Variants in CFAP299 observed in about 807,000 individuals in gnomAD.
CFAP299 encodes cilia and flagella associated protein 299, also known as cilia- and flagella-associated protein 299.
In CFAP299, 21 loss-of-function variants were observed where a neutral mutation model predicts 27.0. That is an observed-to-expected ratio of 0.78 (90% CI 0.55 to 1.12). CFAP299 has a LOEUF of 1.12. CFAP299 is among the 50% of genes most tolerant of loss of function. The probability of loss-of-function intolerance (pLI) is 0.00; values close to 1 mark genes in which losing one functional copy is unlikely to be tolerated. For synonymous variants in CFAP299, 104 were observed against 98.1 expected (o/e 1.06, Z -0.36); for missense variants, 310 against 276.6 (o/e 1.12, Z -0.86).
chr4:80,639,104 C>T (rs879691817), intron 3 of CFAP299, among the ~76,000 whole-genome samples: 3 of 152,120 alleles, frequency 2.0e-5, no homozygotes, highest in Non-Finnish European at 4.4e-5. Context: ...CTCCCAAAGG[C>T]CTCATCTCCA....
At chr4:80,685,223 A>G (rs796412168) in intron 3 of CFAP299, among the ~76,000 whole-genome samples, 5 of 152,318 alleles carry the variant, frequency 3.3e-5, no homozygotes, top group African/African-American at 1.2e-4. Context: ...ACTTATTCTA[A>G]GAAGCTCTTG....
intron 1 of CFAP299, among the ~76,000 whole-genome samples, chr4:80,345,322 C>T (rs112291660): frequency 0.074 from 11,219 of 151,866 alleles, 1,222 homozygotes; most frequent in African/African-American, 0.24. Flanking sequence ...ATGTGCATAA[C>T]GTGCAGGTTT....
chr4:80,569,761 A>C (rs1481293553), intron 2 of CFAP299, among the ~76,000 whole-genome samples: 1 of 152,044 alleles, frequency 6.6e-6, no homozygotes, highest in Non-Finnish European at 1.5e-5. Context: ...AAGATGTACA[A>C]GACTTATTAA....
intron 3 of CFAP299, among the ~76,000 whole-genome samples, chr4:80,689,130 C>A (rs555657195): frequency 0.038 from 5,733 of 152,192 alleles, 381 homozygotes; most frequent in African/African-American, 0.13. Flanking sequence ...AGGATATTAT[C>A]CAGGAGAACT....
intron 5 of CFAP299, among the ~76,000 whole-genome samples, 197 bp from the exon 6 acceptor site, chr4:80,963,319 TC>T (rs1253065527): frequency 6.6e-6 from 1 of 151,890 alleles, no homozygotes; most frequent in African/African-American, 2.4e-5. Context: ...CACAACCCAA[TC>T]ATAATTCCAA....
intron 2 of CFAP299, among the ~76,000 whole-genome samples, chr4:80,555,832 C>T (rs112867328): frequency 0.015 from 2,299 of 151,594 alleles, 26 homozygotes; most frequent in South Asian, 0.04. Flanking sequence ...TTCTGTGGGG[C>T]CAGTGGTAAC....
chr4:80,944,922 C>T lies in CFAP299; in HGVS notation c.589C>T (p.Leu197Phe). Residue 197 changes from leucine (L) to phenylalanine (F), a missense_variant, in exon 5 of 6, where the codon CTT becomes TTT. Coordinates refer to ENST00000358105, the MANE Select transcript of CFAP299 (RefSeq NM_152770.3). ...CAGATACAAAAGAGACAGAAAAATTCTTAATGTGGACCCAAAGGTAATTCT... is the reference window on the plus strand; with the variant it reads ...CAGATACAAAAGAGACAGAAAAATTTTTAATGTGGACCCAAAGGTAATTCT... ...LFRYKRDRKI[L>F]NVDPKAQPGD... The T allele has an allele frequency of 6.2e-7, 1 of 1,612,430 alleles. No homozygotes were observed. The highest frequency in any genetic ancestry group is 8.5e-7 in the Non-Finnish European group (1 of 1,179,024).
rs1412761192 is a variant in CFAP299 at position 80,800,579 on chromosome 4, T to C, written c.334-69414T>C. On this transcript the variant is annotated intron_variant, in intron 3 of 5. Transcript: ENST00000358105. ...ATATTATATAATATATTAATATAAA[T>C]ATATAATATATAATATATTAATATA... Among the ~76,000 whole-genome samples, 22 of 80,504 alleles carry C rather than the reference T, an allele frequency of 2.7e-4. No homozygotes were observed. In the East Asian group the frequency reaches 6.7e-3, roughly 24 times the overall value. The allele number at this position is 80,504 out of a possible 152,430, so 52.8% of individuals were successfully genotyped here.
intron 3 of CFAP299, among the ~76,000 whole-genome samples, chr4:80,719,631 G>A (rs1313025651): frequency 6.6e-6 from 1 of 152,204 alleles, no homozygotes; most frequent in Non-Finnish European, 1.5e-5. Flanking sequence ...CTCTTTGTAA[G>A]CAGTTGCAGT....
Position 80,581,453 on chromosome 4 carries a change from G to GAGATAT in CFAP299, c.243-1639_243-1638insGATATA, listed in dbSNP as rs1553936101. Reference sequence around the variant, plus strand: ...TGATATATATATAGATATTAAGTGAGATATATATATATATATATATATATA... The same window carrying GAGATAT: ...TGATATATATATAGATATTAAGTGAGAGATATATATATATATATATATATATATATA... On this transcript the variant is annotated intron_variant, in intron 2 of 5. Coordinates refer to ENST00000358105, the MANE Select transcript of CFAP299 (RefSeq NM_152770.3). Among the ~76,000 whole-genome samples the GAGATAT allele has an allele frequency of 2.8e-4, 29 of 103,014 alleles. 1 individual carries two copies. The highest frequency in any genetic ancestry group is 1.5e-3 in the African/African-American group (24 of 15,940). 67.6% of individuals were successfully genotyped at this position (103,014 alleles called of 152,430 possible).
chr4:80,735,152 T>C (rs952252064), intron 3 of CFAP299, among the ~76,000 whole-genome samples: 1 of 152,138 alleles, frequency 6.6e-6, no homozygotes, highest in Admixed American at 6.6e-5. Context: ...ATTTTCATTG[T>C]ATAGATGCTT....
intron 2 of CFAP299, among the ~76,000 whole-genome samples, chr4:80,523,254 G>A (rs1733009663): frequency 6.6e-6 from 1 of 152,056 alleles, no homozygotes. Flanking sequence ...TATTGTAAAT[G>A]GGACTGTTTT....
At chr4:80,853,095 A>T (rs1731620001) in intron 3 of CFAP299, among the ~76,000 whole-genome samples, 1 of 152,108 alleles carries the variant, frequency 6.6e-6, no homozygotes, top group Non-Finnish European at 1.5e-5. Flanking sequence ...CAGTGGCATG[A>T]TCTTGGCTCA....
At chr4:80,895,245 G>T (rs181996359) in intron 4 of CFAP299, among the ~76,000 whole-genome samples, 2 of 151,434 alleles carry the variant, frequency 1.3e-5, no homozygotes, top group Non-Finnish European at 3.0e-5. Context: ...CCTGATTGTG[G>T]CAATCATTTC....
Position 80,610,940 on chromosome 4 carries a change from C to T in CFAP299, c.333+27757C>T, listed in dbSNP as rs77854126. ...AAGTTTCTTTAAGTTGTTCTATCAG[C>T]CCTCCAAAAGTAAGTGCAAATAAAC... is the stretch of plus-strand genomic sequence containing the variant. On this transcript the variant is annotated intron_variant, in intron 3 of 5. Transcript: ENST00000358105. 6.8e-3 allele frequency among the ~76,000 whole-genome samples: 1,032 copies of T among 152,042 alleles called. 17 individuals carry two copies. Among genetic ancestry groups the T allele is most frequent in the African/African-American group, 0.024 (991 of 41,448 alleles).
intron 3 of CFAP299, among the ~76,000 whole-genome samples, chr4:80,675,578 A>AGACAGG (rs1719386460): frequency 6.6e-6 from 1 of 152,200 alleles, no homozygotes; most frequent in African/African-American, 2.4e-5. Context: ...CAGAGCTGTC[A>AGACAGG]GACAGGGACA....
chr4:80,742,240 G>A (rs1466241805), intron 3 of CFAP299, among the ~76,000 whole-genome samples: 1 of 151,866 alleles, frequency 6.6e-6, no homozygotes, highest in Non-Finnish European at 1.5e-5. Context: ...ATTCCAGCAG[G>A]GAATATAAAC....
rs563632171 is a variant in CFAP299 at position 80,942,947 on chromosome 4, A to G, written c.477-1863A>G. Among the ~76,000 whole-genome samples the G allele has an allele frequency of 2.6e-5, 4 of 152,302 alleles. No homozygotes were observed. In the East Asian group the frequency reaches 5.8e-4, roughly 22 times the overall value. ...AAAATCCAGCTTGCGTAGATAGTCA[A>G]ATTGGCTTCTAATGCCTTCACCATT... On this transcript the variant is annotated intron_variant, in intron 4 of 5. Transcript: ENST00000358105.
intron 3 of CFAP299, among the ~76,000 whole-genome samples, chr4:80,862,325 G>T (rs2131473): frequency 6.6e-6 from 1 of 151,846 alleles, no homozygotes; most frequent in Non-Finnish European, 1.5e-5. Flanking sequence ...AGCCAAAATC[G>T]TGCCACTGCA....
Sources: gnomAD v4.1 joint callset for allele counts (sites outside exome capture counted in the v4.1 genomes callset) on GRCh38, gnomAD v4.1.1 for gene constraint, MANE v1.5 for transcripts, NCBI Gene and HGNC (gene_info 2026-07-23, HGNC 2026-07-21) for gene names.